IGFBP5: variants seen among roughly 807,000 people sequenced by gnomAD.
The protein encoded by IGFBP5 is insulin like growth factor binding protein 5.
A neutral mutation model predicts 28.0 loss-of-function variants in IGFBP5; 12 were observed. The ratio of observed to expected loss-of-function variants is 0.43; its 90% CI spans 0.27 to 0.69. The LOEUF is 0.69. IGFBP5 is among the 30% of genes least tolerant of loss of function. The pLI, the probability that IGFBP5 is intolerant of heterozygous loss-of-function variation, is 0.20. For synonymous variants in IGFBP5, 152 were observed against 150.2 expected, an observed-to-expected ratio of 1.01 and a Z score of -0.09; for missense variants, 344 against 381.6, an observed-to-expected ratio of 0.90 and a Z score of 0.82.
chr2:216,694,043 G>GA lies in IGFBP5; in HGVS notation c.337+395dup, dbSNP rs538021527. On this transcript the variant is annotated intron_variant, in intron 1 of 3. Coordinates refer to ENST00000233813, the MANE Select transcript of IGFBP5 (RefSeq NM_000599.4). This position sits in a 1 kb window ranked among gnomAD's most constrained non-coding sequence, Gnocchi z 5.2. The stretch of plus-strand genomic sequence containing the variant: ...AAAAGAGATTTTTTTTCCAAGTTCA[G>GA]AAAAAAACCTATGCGGGGCGCGAGG... Among the ~76,000 whole-genome samples the GA allele has an allele frequency of 1.6e-3, 242 of 151,796 alleles. 1 individual carries two copies. Among genetic ancestry groups the GA allele is most frequent in the African/African-American group, 5.7e-3 (235 of 41,414 alleles).
intron 1 of IGFBP5, among the ~76,000 whole-genome samples, chr2:216,686,130 T>C (rs1475246885): frequency 6.6e-6 from 1 of 152,146 alleles, no homozygotes; most frequent in East Asian, 1.9e-4. Flanking sequence ...GCTATAGGTG[T>C]ACCCAGCTGA....
chr2:216,689,023 T>C (rs529726751), intron 1 of IGFBP5, among the ~76,000 whole-genome samples: 2 of 152,206 alleles, frequency 1.3e-5, no homozygotes, highest in South Asian at 4.1e-4. Flanking sequence ...TCATGCTCTC[T>C]TCCTTATCAG....
Position 216,676,889 on chromosome 2 carries a change from T to C in IGFBP5, c.688-7A>G, listed in dbSNP as rs1688907220. On this transcript the variant is annotated splice_region_variant and splice_polypyrimidine_tract_variant and intron_variant, in intron 3 of 3. Transcript: ENST00000233813. Reference sequence around the variant, plus strand: ...GGCCACGGGAAGGTTTGCACTGGGGTGAGTAGAGCAACAGGCGGTGAGGAC... The same window carrying C: ...GGCCACGGGAAGGTTTGCACTGGGGCGAGTAGAGCAACAGGCGGTGAGGAC... 10 of 1,613,480 alleles carry C rather than the reference T, an allele frequency of 6.2e-6. No individual in the cohort carries two copies. The highest frequency in any genetic ancestry group is 1.3e-5 in the African/African-American group (1 of 74,874).
At position 216,678,776 on chromosome 2, in the gene IGFBP5, C is replaced by A. The variant is rs6731463; in HGVS notation, c.567+74G>T. 3.5e-3 allele frequency: 4,428 copies of A among 1,273,858 alleles called. 123 individuals are homozygous for A. The African/African-American group carries it at 0.06, about 17-fold the overall frequency. 78.9% of individuals were successfully genotyped at this position (1,273,858 alleles called of 1,614,324 possible). ...GCTGGGTCTAGTCTAGCACCTCCTG[C>A]CGCCATGAATGTCCATTTAGATGCA... On this transcript the variant is annotated intron_variant, in intron 2 of 3. Coordinates refer to ENST00000233813, the MANE Select transcript of IGFBP5 (RefSeq NM_000599.4).
In IGFBP5 at chr2:216,679,121, G is replaced by C; in HGVS notation, c.338-42C>G. On this transcript the variant is annotated intron_variant, in intron 1 of 3. Coordinates refer to ENST00000233813, the MANE Select transcript of IGFBP5 (RefSeq NM_000599.4). This position sits in a 1 kb window ranked among gnomAD's most constrained non-coding sequence, Gnocchi z 4.6. ...CGGAGGGTCAGCCCCCGTGGGCCAA[G>C]GTGCACACGGCCAGAGCCCAGGGCT... 2 of 1,543,492 alleles carry C rather than the reference G, an allele frequency of 1.3e-6. No individual in the cohort carries two copies. Among genetic ancestry groups the C allele is most frequent in the South Asian group, 1.1e-5 (1 of 89,562 alleles).
At chr2:216,688,170 A>G (rs1478524996) in intron 1 of IGFBP5, among the ~76,000 whole-genome samples, 1 of 152,140 alleles carries the variant, frequency 6.6e-6, no homozygotes, top group Non-Finnish European at 1.5e-5. Flanking sequence ...CAGATACTCA[A>G]CTCAGTTATT....
chr2:216,679,174 A>C lies in IGFBP5; in HGVS notation c.338-95T>G. Reference sequence around the variant, plus strand: ...GCAGTTTGGGGTGAGGGGAGTAATAAAGGCTGAAGCAGATGTGTCTCTGCC... The same window carrying C: ...GCAGTTTGGGGTGAGGGGAGTAATACAGGCTGAAGCAGATGTGTCTCTGCC... On this transcript the variant is annotated intron_variant, in intron 1 of 3. Transcript: ENST00000233813. The surrounding 1 kb of genome is among the most constrained non-coding windows in gnomAD (Gnocchi z 4.6). 1.1e-6 allele frequency: 1 copy of C among 907,858 alleles called. No homozygotes were observed. The highest frequency in any genetic ancestry group is 1.8e-6 in the Non-Finnish European group (1 of 557,318). 56.2% of individuals were successfully genotyped at this position (907,858 alleles called of 1,614,324 possible). A position where few individuals can be genotyped will look rare whatever the true frequency, so the allele number is the denominator to read the frequency against.
Position 216,676,679 on chromosome 2 carries a change from G to T in IGFBP5, c.*72C>A. 1 of 978,068 alleles carries T rather than the reference G, an allele frequency of 1.0e-6. No individual in the cohort carries two copies. Among genetic ancestry groups the T allele is most frequent in the Non-Finnish European group, 1.6e-6 (1 of 638,476 alleles). The allele number at this position is 978,068 out of a possible 1,614,324, so 60.6% of individuals were successfully genotyped here. A position where few individuals can be genotyped will look rare whatever the true frequency, so the allele number is the denominator to read the frequency against. The stretch of plus-strand genomic sequence containing the variant: ...GAGATGAAATGAGTGGCGTCCTGGG[G>T]TGGAGGGAGGCGCTGGCTGGAGTCG... On this transcript the variant is annotated 3_prime_UTR_variant, in exon 4 of 4. Coordinates refer to ENST00000233813, the MANE Select transcript of IGFBP5 (RefSeq NM_000599.4).
chr2:216,680,510 G>T (rs1488403454), intron 1 of IGFBP5, among the ~76,000 whole-genome samples: 1 of 152,202 alleles, frequency 6.6e-6, no homozygotes, highest in South Asian at 2.1e-4. Context: ...CCAGGTGTGA[G>T]TTAGGAAAGG....
rs781108109 is a variant in IGFBP5, at chr2:216,679,198, C to A, written c.338-119G>T. The A allele has an allele frequency of 2.7e-6, 2 of 747,070 alleles. No homozygotes were observed. Among genetic ancestry groups the A allele is most frequent in the Non-Finnish European group, 4.7e-6 (2 of 421,574 alleles). 46.3% of individuals were successfully genotyped at this position (747,070 alleles called of 1,614,324 possible). ...AAAGGCTGAAGCAGATGTGTCTCTGCCCTCCTGGAGCACACCCTGAAAGCA... is the reference window on the plus strand; with the variant it reads ...AAAGGCTGAAGCAGATGTGTCTCTGACCTCCTGGAGCACACCCTGAAAGCA... On this transcript the variant is annotated intron_variant, in intron 1 of 3. Coordinates refer to ENST00000233813, the MANE Select transcript of IGFBP5 (RefSeq NM_000599.4). This position sits in a 1 kb window ranked among gnomAD's most constrained non-coding sequence, Gnocchi z 4.6.
In IGFBP5 at chr2:216,695,026, C is replaced by T; in HGVS notation, c.-251G>A. ...ACAGGTTGGGGGAAGCAGGGCAGCG[C>T]CAGGTGCACGCAGTGAGCGGAGGCC... On this transcript the variant is annotated 5_prime_UTR_variant, in exon 1 of 4. Coordinates refer to ENST00000233813, the MANE Select transcript of IGFBP5 (RefSeq NM_000599.4). The T allele has an allele frequency of 2.8e-6, 1 of 358,636 alleles. No homozygotes were observed. The highest frequency in any genetic ancestry group is 5.0e-6 in the Non-Finnish European group (1 of 200,868). The allele number at this position is 358,636 out of a possible 1,614,324, so 22.2% of individuals were successfully genotyped here.
chr2:216,677,001 T>C (rs1371720994), intron 3 of IGFBP5, 119 bp from the exon 4 acceptor site: 25 of 1,103,222 alleles, frequency 2.3e-5, no homozygotes, highest in Non-Finnish European at 3.1e-5. Flanking sequence ...TTGAGGGCAC[T>C]AGACCCGACC....
At chr2:216,690,943 G>GC (rs1035433447) in intron 1 of IGFBP5, among the ~76,000 whole-genome samples, 1 of 151,624 alleles carries the variant, frequency 6.6e-6, no homozygotes, top group Non-Finnish European at 1.5e-5. Flanking sequence ...TCCAGTTAAA[G>GC]CCCCATCTCG....
chr2:216,691,494 C>G (rs1032986015), intron 1 of IGFBP5, among the ~76,000 whole-genome samples: 5 of 152,184 alleles, frequency 3.3e-5, no homozygotes, highest in Non-Finnish European at 5.9e-5. Context: ...TAACTCCCGT[C>G]TTTCATCTCC....
rs776355825 is a variant in IGFBP5 at position 216,694,717 on chromosome 2, C to T, written c.59G>A (p.Ser20Asn). The change falls in exon 1 of 4, where the codon AGC becomes AAC. Residue 20 changes from serine (S) to asparagine (N), a missense_variant. This residue lies in a region of IGFBP5 where 304 missense variants were observed against 329.2 expected (regional missense o/e 0.92). Transcript: ENST00000233813. This position sits in a 1 kb window ranked among gnomAD's most constrained non-coding sequence, Gnocchi z 5.2. ...LLAAYAGPAQ[S>N]LGSFVHCEPC... The stretch of plus-strand genomic sequence containing the variant: ...CTCGCAGTGCACGAAGGAGCCCAGG[C>T]TCTGGGCCGGCCCCGCATAGGCGGC... The T allele has an allele frequency of 2.6e-5, 38 of 1,473,762 alleles. No homozygotes were observed. The highest frequency in any genetic ancestry group is 3.3e-5 in the Non-Finnish European group (37 of 1,117,292). 91.3% of individuals were successfully genotyped at this position (1,473,762 alleles called of 1,614,324 possible).
chr2:216,688,782 A>G (rs1320502048), intron 1 of IGFBP5, among the ~76,000 whole-genome samples: 2 of 152,288 alleles, frequency 1.3e-5, no homozygotes, highest in South Asian at 4.1e-4. Context: ...AAATGTTCCT[A>G]TAGTTCACCT....
intron 1 of IGFBP5, among the ~76,000 whole-genome samples, chr2:216,690,784 A>G (rs1574582974): frequency 1.3e-5 from 2 of 151,136 alleles, no homozygotes; most frequent in East Asian, 3.9e-4. Context: ...AGGGGTGAGA[A>G]AGGGGAAAAA....
At position 216,692,340 on chromosome 2, in the gene IGFBP5, A is replaced by C. The variant is rs1268092751; in HGVS notation, c.337+2099T>G. On this transcript the variant is annotated intron_variant, in intron 1 of 3. Transcript: ENST00000233813. The surrounding 1 kb of genome is among the most constrained non-coding windows in gnomAD (Gnocchi z 4.2). ...GGGGCGGCAGGGAATTCTACAGGGG[A>C]TCTTGCTTGGGACTGAAGTGTCGTG... Among the ~76,000 whole-genome samples, 1 of 146,820 alleles carries C rather than the reference A, an allele frequency of 6.8e-6. No individual in the cohort carries two copies. The highest frequency in any genetic ancestry group is 2.5e-5 in the African/African-American group (1 of 39,656).
At chr2:216,678,778 G>T (rs757014102) in intron 2 of IGFBP5, 72 bp downstream of exon 2, 4 of 1,284,708 alleles carry the variant, frequency 3.1e-6, no homozygotes, top group Non-Finnish European at 4.4e-6. Context: ...ACCTCCTGCC[G>T]CCATGAATGT....
Sources: gnomAD v4.1 joint callset for allele counts (sites outside exome capture counted in the v4.1 genomes callset) on GRCh38, gnomAD v4.1.1 for gene constraint, gnomAD v4.1.1 regional missense constraint, Gnocchi (gnomAD v3.1) non-coding constraint, MANE v1.5 for transcripts, NCBI Gene and HGNC (gene_info 2026-07-23, HGNC 2026-07-21) for gene names.